Variants in PKN2 observed in about 807,000 individuals in gnomAD.
The protein encoded by PKN2 is protein kinase N2.
In PKN2, 38 loss-of-function variants were observed where a neutral mutation model predicts 119.1. The observed-to-expected ratio is 0.32, with a 90% CI of 0.25 to 0.42. The LOEUF (loss-of-function observed/expected upper bound fraction) is 0.42, where lower values mean the gene tolerates loss of function less well. Among genes scored for constraint, PKN2 ranks in the 10% least tolerant of loss-of-function variants. The pLI, the probability that PKN2 is intolerant of heterozygous loss-of-function variation, is 1.00. For missense variants in PKN2, 850 were observed against 1,165.1 expected (o/e 0.73, Z 3.94); for synonymous variants, 390 against 384.9 (o/e 1.01, Z -0.15).
chr1:88,789,108 G>A (rs1010694547), intron 8 of PKN2, among the ~76,000 whole-genome samples: 8 of 152,100 alleles, frequency 5.3e-5, no homozygotes, highest in African/African-American at 1.7e-4. Flanking sequence ...AGAAAATGTC[G>A]ACCGATCACT....
Position 88,684,465 on chromosome 1 carries a change from T to G in PKN2, c.-116T>G. 14 of 864,546 alleles carry G rather than the reference T, an allele frequency of 1.6e-5. No homozygotes were observed. Among genetic ancestry groups the G allele is most frequent in the Middle Eastern group, 2.7e-4 (1 of 3,712 alleles). The allele number at this position is 864,546 out of a possible 1,614,324, so 53.6% of individuals were successfully genotyped here. ...GGGCTGCGCCTCCATGAATCCCTAGTTGTTTTTTTTTTTTTCTTTCTCTCC... is the reference window on the plus strand; with the variant it reads ...GGGCTGCGCCTCCATGAATCCCTAGGTGTTTTTTTTTTTTTCTTTCTCTCC... On this transcript the variant is annotated 5_prime_UTR_variant, in exon 1 of 22. Transcript: ENST00000370521.
chr1:88,707,703 A>G (rs1667057826), intron 1 of PKN2, among the ~76,000 whole-genome samples: 1 of 152,072 alleles, frequency 6.6e-6, no homozygotes. Flanking sequence ...ATACCTCATT[A>G]TCTTAATTGT....
chr1:88,707,838 A>G (rs2100678565), intron 1 of PKN2, among the ~76,000 whole-genome samples: 1 of 152,278 alleles, frequency 6.6e-6, no homozygotes, highest in South Asian at 2.1e-4. Context: ...AACTCAAATG[A>G]CATTTTACAT....
rs1442754530 is a variant in PKN2 at position 88,834,675 on chromosome 1, G to A, written c.*1227G>A. The A allele has an allele frequency of 1.3e-5, 2 of 152,262 alleles. No individual in the cohort carries two copies. Among genetic ancestry groups the A allele is most frequent in the Non-Finnish European group, 2.9e-5 (2 of 67,948 alleles). The allele number at this position is 152,262 out of a possible 1,614,324, so 9.4% of individuals were successfully genotyped here. ...AAAAATGAATTATAACACTAAAGCT[G>A]TACCTCAAAAGTCTCAAAAATAATT... On this transcript the variant is annotated 3_prime_UTR_variant, in exon 22 of 22. Coordinates refer to ENST00000370521, the MANE Select transcript of PKN2 (RefSeq NM_006256.4).
At chr1:88,725,773 G>A (rs11807051) in intron 1 of PKN2, among the ~76,000 whole-genome samples, 156 of 152,228 alleles carry the variant, frequency 1.0e-3, no homozygotes, top group African/African-American at 3.7e-3. Context: ...TATGGATCAT[G>A]CTATTGGTGT....
intron 12 of PKN2, 27 bp from the exon 13 acceptor site, chr1:88,807,286 G>T (rs757014398): frequency 2.4e-5 from 34 of 1,392,922 alleles, no homozygotes; most frequent in Non-Finnish European, 3.0e-5. Context: ...TATTTCTATG[G>T]ATTCACGTGT....
Position 88,684,505 on chromosome 1 carries a change from C to T in PKN2, c.-76C>T. On this transcript the variant is annotated 5_prime_UTR_variant, in exon 1 of 22. Transcript: ENST00000370521. Reference sequence around the variant, plus strand: ...TCTTTCTCTCCCCTCTCCTCACCCCCACCCCGAGCCCCGTCCCGCCTTCTC... The same window carrying T: ...TCTTTCTCTCCCCTCTCCTCACCCCTACCCCGAGCCCCGTCCCGCCTTCTC... 2 of 1,314,822 alleles carry T rather than the reference C, an allele frequency of 1.5e-6. No individual in the cohort carries two copies. The highest frequency in any genetic ancestry group is 2.1e-6 in the Non-Finnish European group (2 of 950,636). The allele number at this position is 1,314,822 out of a possible 1,614,324, so 81.4% of individuals were successfully genotyped here. A position where few individuals can be genotyped will look rare whatever the true frequency, so the allele number is the denominator to read the frequency against.
chr1:88,754,021 C>CTT (rs112461813), intron 2 of PKN2, among the ~76,000 whole-genome samples: 16,961 of 152,082 alleles, frequency 0.11, 1,954 homozygotes, highest in African/African-American at 0.3. Flanking sequence ...GCTGTGAAGA[C>CTT]TGTCTTTGAT....
At chr1:88,778,156 T>C (rs893892106) in intron 6 of PKN2, among the ~76,000 whole-genome samples, 7 of 152,224 alleles carry the variant, frequency 4.6e-5, no homozygotes, top group African/African-American at 1.4e-4. Flanking sequence ...CCCTAAAATG[T>C]ACAAAACCAA....
chr1:88,719,216 A>C (rs1667573140), intron 1 of PKN2, among the ~76,000 whole-genome samples: 1 of 152,238 alleles, frequency 6.6e-6, no homozygotes, highest in Admixed American at 6.5e-5. Flanking sequence ...GTTTCAACAA[A>C]GTCATTTGGA....
intron 19 of PKN2, among the ~76,000 whole-genome samples, chr1:88,831,423 T>G (rs1446927324): frequency 1.3e-5 from 2 of 151,888 alleles, no homozygotes; most frequent in Admixed American, 6.6e-5. Context: ...TCTGACTTAC[T>G]GTTTCAGTCC....
intron 1 of PKN2, among the ~76,000 whole-genome samples, chr1:88,710,846 CG>C (rs1385325306): frequency 1.3e-5 from 2 of 152,140 alleles, no homozygotes; most frequent in African/African-American, 4.8e-5. Context: ...GACACATTCA[CG>C]CATATGTTCA....
intron 2 of PKN2, among the ~76,000 whole-genome samples, chr1:88,755,051 A>G (rs2100771028): frequency 6.6e-6 from 1 of 152,300 alleles, no homozygotes; most frequent in South Asian, 2.1e-4. Context: ...CCAGCAAAGT[A>G]TGTATTTAAG....
intron 1 of PKN2, among the ~76,000 whole-genome samples, chr1:88,716,061 A>G (rs1249087644): frequency 6.6e-6 from 1 of 152,188 alleles, no homozygotes; most frequent in East Asian, 1.9e-4. Flanking sequence ...CCCAGTAGTC[A>G]TTCAGGAGCA....
chr1:88,780,225 T>G (rs1332166195), intron 6 of PKN2, among the ~76,000 whole-genome samples: 1 of 152,240 alleles, frequency 6.6e-6, no homozygotes, highest in Non-Finnish European at 1.5e-5. Flanking sequence ...ACTTTTTCTT[T>G]TAGTTATATG....
chr1:88,715,604 G>A lies in PKN2; in HGVS notation c.49-25384G>A, dbSNP rs1056375364. Among the ~76,000 whole-genome samples the A allele has an allele frequency of 5.9e-5, 9 of 151,792 alleles. No individual in the cohort carries two copies. The South Asian group carries it at 1.5e-3, about 24-fold the overall frequency. The stretch of plus-strand genomic sequence containing the variant: ...TGGTAGTTTGTATTTCTGTGGGATC[G>A]GTGGTGATACCTGTATTTCTGTGGA... On this transcript the variant is annotated intron_variant, in intron 1 of 21. Coordinates refer to ENST00000370521, the MANE Select transcript of PKN2 (RefSeq NM_006256.4).
intron 15 of PKN2, among the ~76,000 whole-genome samples, chr1:88,811,480 G>C (rs1049396539): frequency 1.3e-5 from 2 of 152,152 alleles, no homozygotes; most frequent in African/African-American, 2.4e-5. Context: ...ATGTAATAAA[G>C]GTGGCTAGAT....
intron 8 of PKN2, among the ~76,000 whole-genome samples, chr1:88,801,144 G>A (rs1189083923): frequency 6.6e-6 from 1 of 152,142 alleles, no homozygotes; most frequent in Non-Finnish European, 1.5e-5. Flanking sequence ...AGCACTTTGG[G>A]GGAGCCAAGA....
At position 88,803,810 on chromosome 1, in the gene PKN2, C is replaced by T. The variant is rs79073259; in HGVS notation, c.1282-581C>T. Among the ~76,000 whole-genome samples, 1,379 of 152,212 alleles carry T rather than the reference C, an allele frequency of 9.1e-3. 147 individuals are homozygous for T. In the East Asian group the frequency reaches 0.23, roughly 25 times the overall value. ...GTATAAAGCTTGGTCTGAATTTCCC[C>T]TTTCTTCCTTTCGTACGCAGAATGG... On this transcript the variant is annotated intron_variant, in intron 8 of 21. Coordinates refer to ENST00000370521, the MANE Select transcript of PKN2 (RefSeq NM_006256.4).
Sources: allele counts gnomAD v4.1 joint callset (sites outside exome capture counted in the v4.1 genomes callset), GRCh38; gene constraint gnomAD v4.1.1; transcripts MANE v1.5; gene names NCBI Gene and HGNC (gene_info 2026-07-23, HGNC 2026-07-21).